The following BBS1 variants were observed in gnomAD, a reference collection of about 807,000 sequenced individuals.
BBS1 encodes the protein Bardet-Biedl syndrome 1.
BBS1 carries 60 observed loss-of-function variants against 73.9 expected under a neutral mutation model. That is an observed-to-expected ratio of 0.81 (90% CI 0.66 to 1.01). The LOEUF (loss-of-function observed/expected upper bound fraction) is 1.01, where lower values mean the gene tolerates loss of function less well. Among genes scored for constraint, BBS1 ranks in the 50% least tolerant of loss-of-function variants. The pLI is 0.00. For synonymous variants in BBS1, 283 were observed against 317.4 expected, an observed-to-expected ratio of 0.89 and a Z score of 1.15; for missense variants, 718 against 770.3, an observed-to-expected ratio of 0.93 and a Z score of 0.80.
At chr11:66,513,843 A>G (rs1285341727) in intron 3 of BBS1, among the ~76,000 whole-genome samples, 1 of 152,206 alleles carries the variant, frequency 6.6e-6, no homozygotes. Context: ...GTTGGGAACT[A>G]GATCAGAGAG....
rs1212689618 is a variant in BBS1, at chr11:66,514,774, C to T, written c.432+96C>T. On this transcript the variant is annotated intron_variant, in intron 4 of 16. Transcript: ENST00000318312. ...TCCTGGGAAGAACGTGGGCTGGTGG[C>T]AGGAGGTCAGCTATAGTCCATCTCT... 3 of 1,442,220 alleles carry T rather than the reference C, an allele frequency of 2.1e-6. No homozygotes were observed. In the African/African-American group the frequency reaches 4.2e-5, roughly 20 times the overall value. 89.3% of individuals were successfully genotyped at this position (1,442,220 alleles called of 1,614,324 possible).
rs1337527553 is a variant in BBS1 at position 66,510,999 on chromosome 11, TC to T, written c.48-9del. ...ATGGGACTCACTCCCCAACTGTCTT[TC>T]CCCCACTTCCAGCAATGAGGCCAAT... On this transcript the variant is annotated splice_polypyrimidine_tract_variant and intron_variant, in intron 1 of 16. Transcript: ENST00000318312. 6.2e-7 allele frequency: 1 copy of T among 1,613,994 alleles called. No individual in the cohort carries two copies. The highest frequency in any genetic ancestry group is 8.5e-7 in the Non-Finnish European group (1 of 1,179,950).
intron 8 of BBS1, 79 bp from the exon 9 acceptor site, chr11:66,521,191 C>A: frequency 9.6e-7 from 1 of 1,038,520 alleles, no homozygotes; most frequent in Non-Finnish European, 1.5e-6. Context: ...ACCAGGCACT[C>A]ACTCAGAGGA....
At chr11:66,514,089 T>C (rs1271072898) in intron 3 of BBS1, among the ~76,000 whole-genome samples, 1 of 152,198 alleles carries the variant, frequency 6.6e-6, no homozygotes, top group Non-Finnish European at 1.5e-5. Flanking sequence ...GTGCCTGGTG[T>C]GGAAGAAATG....
At chr11:66,510,910 C>A in intron 1 of BBS1, 103 bp from the exon 2 acceptor site, 1 of 1,431,766 alleles carries the variant, frequency 7.0e-7, no homozygotes, top group Non-Finnish European at 9.9e-7. Context: ...TGTACCCAGA[C>A]GTTCTGTACC....
At chr11:66,525,709 G>A (rs900154740) in intron 11 of BBS1, among the ~76,000 whole-genome samples, 1 of 152,218 alleles carries the variant, frequency 6.6e-6, no homozygotes, top group African/African-American at 2.4e-5. Flanking sequence ...AAAGAGGAGA[G>A]AACTGACAGA....
chr11:66,513,999 C>G (rs1590756149), intron 3 of BBS1, among the ~76,000 whole-genome samples: 2 of 152,192 alleles, frequency 1.3e-5, no homozygotes, highest in South Asian at 4.1e-4. Context: ...ATTTGGAAAC[C>G]AGGCTTCAGC....
intron 15 of BBS1, among the ~76,000 whole-genome samples, chr11:66,531,386 T>G (rs1856774979): frequency 6.6e-6 from 1 of 152,124 alleles, no homozygotes; most frequent in South Asian, 2.1e-4. Flanking sequence ...TGACCCCAAG[T>G]TGGGAGGACC....
Position 66,527,109 on chromosome 11 carries a change from G to A in BBS1, c.1339+302G>A. The A allele has an allele frequency of 4.9e-6, 6 of 1,234,220 alleles. No individual in the cohort carries two copies. The South Asian group carries it at 6.5e-5, about 13-fold the overall frequency. The allele number at this position is 1,234,220 out of a possible 1,614,324, so 76.5% of individuals were successfully genotyped here. On this transcript the variant is annotated intron_variant, in intron 13 of 16. Transcript: ENST00000318312. ...AGTAGAATTTTGACTGGGCATGGTG[G>A]CTCACGCCTGTAATCCCAACACTTT...
intron 14 of BBS1, among the ~76,000 whole-genome samples, chr11:66,530,587 G>C (rs2134834688): frequency 6.6e-6 from 1 of 152,300 alleles, no homozygotes; most frequent in South Asian, 2.1e-4. Context: ...AACTGATCAA[G>C]CTACCCTAGG....
chr11:66,531,085 T>A (rs1482358722), intron 15 of BBS1, 57 bp downstream of exon 15: 25 of 1,607,110 alleles, frequency 1.6e-5, no homozygotes, highest in Non-Finnish European at 2.0e-5. Flanking sequence ...AGGGGCCTGA[T>A]GAGATGCCCA....
chr11:66,524,600 A>G (rs1348821012), intron 11 of BBS1, among the ~76,000 whole-genome samples: 1 of 152,198 alleles, frequency 6.6e-6, no homozygotes, highest in Non-Finnish European at 1.5e-5. Flanking sequence ...CATTCTGCAC[A>G]GAGAATAGCA....
At chr11:66,528,035 A>T (rs1856596719) in intron 13 of BBS1, among the ~76,000 whole-genome samples, 1 of 152,146 alleles carries the variant, frequency 6.6e-6, no homozygotes, top group Admixed American at 6.6e-5. Flanking sequence ...GTTCGTGACC[A>T]GCCTGGCCAA....
chr11:66,510,940 T>C, intron 1 of BBS1, 73 bp from the exon 2 acceptor site: 1 of 1,528,838 alleles, frequency 6.5e-7, no homozygotes, highest in Non-Finnish European at 9.1e-7. Context: ...GAGTGACCTG[T>C]ACCAGCTTCC....
intron 11 of BBS1, 95 bp from the exon 12 acceptor site, chr11:66,526,028 C>T (rs1856473055): frequency 5.6e-6 from 6 of 1,076,060 alleles, no homozygotes; most frequent in Non-Finnish European, 8.6e-6. Context: ...TCTATCACTT[C>T]TCACCTATTA....
chr11:66,510,892 C>A, intron 1 of BBS1, 121 bp from the exon 2 acceptor site: 1 of 1,395,702 alleles, frequency 7.2e-7, no homozygotes, highest in Non-Finnish European at 1.0e-6. Flanking sequence ...AGTGGCGGAG[C>A]CTGGACTTGT....
rs769090687 is a variant in BBS1, at chr11:66,529,864, G to A, written c.1385G>A (p.Arg462His). 14 of 1,610,368 alleles carry A rather than the reference G, an allele frequency of 8.7e-6. No homozygotes were observed. The highest frequency in any genetic ancestry group is 1.6e-4 in the Middle Eastern group (1 of 6,084). The change falls in exon 14 of 17, where the codon CGT (arginine) becomes CAT (histidine). Residue 462 changes from arginine to histidine, a missense_variant. By Grantham distance (29) the Arg-to-His change is conservative. Coordinates refer to ENST00000318312, the MANE Select transcript of BBS1 (RefSeq NM_024649.5). ...ACAGACCTATACCTGCTGCGCCTAC[G>A]TGCTGCCCGCGCCTACCTGCAGGCC... is the stretch of plus-strand genomic sequence containing the variant. The part of the protein sequence containing the change: ...FQTDLYLLRL[R>H]AARAYLQALE...
Position 66,526,625 on chromosome 11 carries a change from C to A in BBS1, c.1181-24C>A, listed in dbSNP as rs548131095. On this transcript the variant is annotated intron_variant, in intron 12 of 16. Transcript: ENST00000318312. The stretch of plus-strand genomic sequence containing the variant: ...TGGGTAGAACTGGGGAGGACAAATC[C>A]ATTTCCACTGTCCACTTCCCTAGGT... 6 of 1,614,124 alleles carry A rather than the reference C, an allele frequency of 3.7e-6. No individual in the cohort carries two copies. In the South Asian group the frequency reaches 5.5e-5, roughly 15 times the overall value.
intron 11 of BBS1, among the ~76,000 whole-genome samples, chr11:66,525,368 A>C (rs899302264): frequency 6.6e-6 from 1 of 151,700 alleles, no homozygotes; most frequent in African/African-American, 2.4e-5. Flanking sequence ...CAAAACAAAA[A>C]AACAAAACAA....
Sources: allele counts gnomAD v4.1 joint callset (sites outside exome capture counted in the v4.1 genomes callset), GRCh38; gene constraint gnomAD v4.1.1; transcripts MANE v1.5; gene names NCBI Gene and HGNC (gene_info 2026-07-23, HGNC 2026-07-21).